Variants in BNC2 observed in about 807,000 individuals in gnomAD.
BNC2 encodes the protein zinc finger protein basonuclin-2.
Under a neutral mutation model 76.3 loss-of-function variants are expected in BNC2, and 20 were observed. The ratio of observed to expected loss-of-function variants is 0.26; its 90% CI spans 0.18 to 0.38. BNC2 has a LOEUF of 0.38. Ranked by LOEUF, BNC2 falls within the 10% of genes least tolerant of loss-of-function variation. The pLI, the probability that BNC2 is intolerant of heterozygous loss-of-function variation, is 1.00. For synonymous variants in BNC2, 582 were observed against 514.8 expected (o/e 1.13, Z -1.77); for missense variants, 1,382 against 1,399.8 (o/e 0.99, Z 0.20).
At chr9:16,729,266 C>T (rs1011304991) in intron 2 of BNC2, among the ~76,000 whole-genome samples, 2 of 152,194 alleles carry the variant, frequency 1.3e-5, no homozygotes. Flanking sequence ...AAGTAGTCAG[C>T]AGGAAAAAGC....
chr9:16,774,382 G>C (rs1035516873), intron 1 of BNC2, among the ~76,000 whole-genome samples: 3 of 152,170 alleles, frequency 2.0e-5, no homozygotes, highest in African/African-American at 7.2e-5. Flanking sequence ...TGAACCAAAT[G>C]CATCCAATGA....
intron 5 of BNC2, among the ~76,000 whole-genome samples, chr9:16,497,199 G>T (rs1822408749): frequency 6.6e-6 from 1 of 152,144 alleles, no homozygotes; most frequent in Non-Finnish European, 1.5e-5. Context: ...CTCAAAGTGT[G>T]GAACAGGGAA....
intron 1 of BNC2, among the ~76,000 whole-genome samples, chr9:16,863,461 G>A (rs564113799): frequency 6.6e-6 from 1 of 152,292 alleles, no homozygotes; most frequent in African/African-American, 2.4e-5. Flanking sequence ...TTGGGAGGCC[G>A]AGGCCAGTGG....
intron 1 of BNC2, among the ~76,000 whole-genome samples, chr9:16,861,810 A>C (rs1034657835): frequency 2.6e-5 from 4 of 152,204 alleles, no homozygotes; most frequent in Admixed American, 2.6e-4. Flanking sequence ...TAACACAGTG[A>C]AACAACGTCT....
chr9:16,754,510 A>G lies in BNC2; in HGVS notation c.4-16025T>C, dbSNP rs185365859. Among the ~76,000 whole-genome samples the G allele has an allele frequency of 1.9e-3, 295 of 152,178 alleles. 1 individual carries two copies. Among genetic ancestry groups the G allele is most frequent in the Non-Finnish European group, 2.3e-3 (158 of 68,010 alleles). ...AATGGGAGGGTCTTTCCCCCACCCC[A>G]TATTTCATTTTCCAATTATAGGTTC... On this transcript the variant is annotated intron_variant, in intron 1 of 6. Coordinates refer to ENST00000380672, the MANE Select transcript of BNC2 (RefSeq NM_017637.6).
Position 16,839,450 on chromosome 9 carries a change from T to C in BNC2, c.3+31196A>G, listed in dbSNP as rs1818776780. Among the ~76,000 whole-genome samples, 4 of 152,294 alleles carry C rather than the reference T, an allele frequency of 2.6e-5. No homozygotes were observed. In the South Asian group the frequency reaches 8.3e-4, roughly 32 times the overall value. ...AAGCTATCCTAGAATAGAAATAAAA[T>C]GCCCTATACCAAATATTAAGCAATG... On this transcript the variant is annotated intron_variant, in intron 1 of 6. Coordinates refer to ENST00000380672, the MANE Select transcript of BNC2 (RefSeq NM_017637.6).
At chr9:16,672,315 G>GT (rs1438451478) in intron 3 of BNC2, among the ~76,000 whole-genome samples, 1 of 152,130 alleles carries the variant, frequency 6.6e-6, no homozygotes, top group East Asian at 1.9e-4. Context: ...GGCTAACACG[G>GT]TGAAACCCCG....
intron 1 of BNC2, among the ~76,000 whole-genome samples, chr9:16,845,535 C>T (rs542417385): frequency 8.6e-5 from 13 of 152,004 alleles, no homozygotes; most frequent in South Asian, 2.1e-4. Flanking sequence ...TCCTGGCTAA[C>T]ACAGTGAAAC....
chr9:16,773,167 C>G (rs762900248), intron 1 of BNC2, among the ~76,000 whole-genome samples: 2 of 152,148 alleles, frequency 1.3e-5, no homozygotes, highest in African/African-American at 4.8e-5. Context: ...ACGGATGGAT[C>G]AGACACTGCA....
intron 3 of BNC2, among the ~76,000 whole-genome samples, chr9:16,636,868 G>A (rs1428615693): frequency 6.6e-6 from 1 of 151,958 alleles, no homozygotes; most frequent in African/African-American, 2.4e-5. Context: ...CTAGAAGAGT[G>A]TTCATGCAAA....
Position 16,739,710 on chromosome 9 carries a change from T to C in BNC2, c.4-1225A>G, listed in dbSNP as rs183921956. On this transcript the variant is annotated intron_variant, in intron 1 of 6. Transcript: ENST00000380672. ...AATAATCTGGGTAAATTACTGGCAA[T>C]ACGGCTGGAGAAAAAAAAAAGGACA... Among the ~76,000 whole-genome samples the C allele has an allele frequency of 3.9e-4, 59 of 151,426 alleles. No homozygotes were observed. In the East Asian group the frequency reaches 8.6e-3, roughly 22 times the overall value.
intron 5 of BNC2, among the ~76,000 whole-genome samples, chr9:16,444,793 G>A (rs1043107085): frequency 6.6e-6 from 1 of 152,056 alleles, no homozygotes; most frequent in East Asian, 1.9e-4. Flanking sequence ...TCATTCTCCC[G>A]CTATTTACCT....
chr9:16,705,281 G>C (rs1313185559), intron 3 of BNC2, among the ~76,000 whole-genome samples: 1 of 152,128 alleles, frequency 6.6e-6, no homozygotes, highest in Non-Finnish European at 1.5e-5. Flanking sequence ...AGTCACAACA[G>C]ACTACATCAT....
intron 5 of BNC2, among the ~76,000 whole-genome samples, chr9:16,464,196 C>CAAAT (rs150514371): frequency 4.6e-5 from 7 of 151,602 alleles, no homozygotes; most frequent in African/African-American, 1.7e-4. Flanking sequence ...TTAAGATCCT[C>CAAAT]AAATAAATAA....
chr9:16,544,827 A>T (rs1270910074), intron 5 of BNC2, among the ~76,000 whole-genome samples: 1 of 151,416 alleles, frequency 6.6e-6, no homozygotes, highest in Non-Finnish European at 1.5e-5. Context: ...AAAAAAAAAG[A>T]ATAAACCATT....
chr9:16,582,892 GACACACACACACACACACACACACACAC>G (rs149223772), intron 4 of BNC2, 63 bp downstream of exon 4: 3 of 626,964 alleles, frequency 4.8e-6, no homozygotes, highest in African/African-American at 2.0e-5. Flanking sequence ...CCTCTAAACA[GACACACACACACACACACACACACACAC>G]ACACACACAC....
intron 5 of BNC2, among the ~76,000 whole-genome samples, chr9:16,456,112 A>C (rs1280263464): frequency 6.6e-6 from 1 of 152,166 alleles, no homozygotes; most frequent in Non-Finnish European, 1.5e-5. Flanking sequence ...ATTACATGAC[A>C]ACTACCTATC....
At chr9:16,427,965 A>G (rs150199230) in intron 6 of BNC2, among the ~76,000 whole-genome samples, 110 of 152,268 alleles carry the variant, frequency 7.2e-4, no homozygotes, top group African/African-American at 2.3e-3. Context: ...GGACAAATAC[A>G]TAAGTTTTTT....
At chr9:16,628,431 G>A (rs896200475) in intron 3 of BNC2, among the ~76,000 whole-genome samples, 1 of 152,144 alleles carries the variant, frequency 6.6e-6, no homozygotes, top group East Asian at 1.9e-4. Flanking sequence ...GTGGAACGCC[G>A]TGAGAGGTCA....
Sources: gnomAD v4.1 joint callset for allele counts (sites outside exome capture counted in the v4.1 genomes callset) on GRCh38, gnomAD v4.1.1 for gene constraint, MANE v1.5 for transcripts, NCBI Gene and HGNC (gene_info 2026-07-23, HGNC 2026-07-21) for gene names.